ZNF804B: variants seen among roughly 807,000 people sequenced by gnomAD.
The protein encoded by ZNF804B is zinc finger protein 804B, also known as zinc finger 804B.
A neutral mutation model predicts 101.4 loss-of-function variants in ZNF804B; 80 were observed. The ratio of observed to expected loss-of-function variants is 0.79; its 90% CI spans 0.66 to 0.95. The LOEUF is 0.95. Among genes scored for constraint, ZNF804B ranks in the 40% least tolerant of loss-of-function variants. ZNF804B has a pLI of 0.00. For missense variants in ZNF804B, 1,673 were observed against 1,561.9 expected (o/e 1.07, Z -1.20); for synonymous variants, 622 against 558.8 (o/e 1.11, Z -1.59).
At chr7:88,882,149 C>T (rs991854377) in intron 1 of ZNF804B, among the ~76,000 whole-genome samples, 8 of 152,084 alleles carry the variant, frequency 5.3e-5, no homozygotes, top group African/African-American at 1.9e-4. Context: ...AGATTGTATG[C>T]AGAAGGGCTT....
At chr7:89,218,418 T>C in intron 2 of ZNF804B, 123 bp downstream of exon 2, 1 of 1,191,386 alleles carries the variant, frequency 8.4e-7, no homozygotes, top group Non-Finnish European at 1.2e-6. Context: ...TATGTCTTTT[T>C]TCCCCCCTGG....
At chr7:88,780,760 G>T (rs906435951) in intron 1 of ZNF804B, among the ~76,000 whole-genome samples, 1 of 152,110 alleles carries the variant, frequency 6.6e-6, no homozygotes, top group Non-Finnish European at 1.5e-5. Context: ...GACATCAAAA[G>T]TGTGTAAATT....
chr7:89,193,586 G>C (rs1788495765), intron 1 of ZNF804B, among the ~76,000 whole-genome samples: 1 of 151,178 alleles, frequency 6.6e-6, no homozygotes, highest in South Asian at 2.1e-4. Flanking sequence ...CCTTGTGATA[G>C]TTTGCTGAGA....
At chr7:88,801,004 T>G (rs1240464866) in intron 1 of ZNF804B, among the ~76,000 whole-genome samples, 2 of 140,146 alleles carry the variant, frequency 1.4e-5, no homozygotes, top group Non-Finnish European at 3.0e-5. Context: ...CTCACAGTGA[T>G]TCAAACCCTG....
At chr7:88,871,825 G>T (rs376194206) in intron 1 of ZNF804B, among the ~76,000 whole-genome samples, 1 of 151,994 alleles carries the variant, frequency 6.6e-6, no homozygotes, top group Non-Finnish European at 1.5e-5. Flanking sequence ...AAAGTTAGCC[G>T]GGCGTGGTGG....
intron 1 of ZNF804B, among the ~76,000 whole-genome samples, chr7:89,047,905 TC>T (rs1174153655): frequency 6.8e-6 from 1 of 147,524 alleles, no homozygotes; most frequent in East Asian, 2.1e-4. Context: ...TTTTTTTTTT[TC>T]CCCCTTTGGA....
At chr7:88,819,636 T>C (rs1051036314) in intron 1 of ZNF804B, among the ~76,000 whole-genome samples, 2 of 152,116 alleles carry the variant, frequency 1.3e-5, no homozygotes, top group African/African-American at 4.8e-5. Flanking sequence ...GTATACACTT[T>C]TATCATAAGT....
At chr7:88,819,389 C>T (rs1463693410) in intron 1 of ZNF804B, among the ~76,000 whole-genome samples, 6 of 152,278 alleles carry the variant, frequency 3.9e-5, no homozygotes, top group Non-Finnish European at 8.8e-5. Flanking sequence ...CCTCAGCCTC[C>T]CAAAGTGCTG....
intron 1 of ZNF804B, among the ~76,000 whole-genome samples, chr7:89,125,373 A>G (rs1157074627): frequency 6.6e-6 from 1 of 151,806 alleles, no homozygotes; most frequent in Non-Finnish European, 1.5e-5. Context: ...ATATATGTAA[A>G]ATGATCAAAA....
intron 1 of ZNF804B, among the ~76,000 whole-genome samples, chr7:88,825,295 C>G (rs186332504): frequency 2.0e-5 from 3 of 152,176 alleles, no homozygotes; most frequent in African/African-American, 2.4e-5. Flanking sequence ...GCTATGGACT[C>G]TCTCTCAATA....
intron 2 of ZNF804B, among the ~76,000 whole-genome samples, chr7:89,292,154 CT>C (rs34550517): frequency 0.23 from 35,268 of 151,916 alleles, 4,423 homozygotes; most frequent in Admixed American, 0.28. Context: ...AATAAAGGAA[CT>C]TTTTCAAACT....
At chr7:88,998,526 T>G (rs1458926273) in intron 1 of ZNF804B, among the ~76,000 whole-genome samples, 1 of 152,018 alleles carries the variant, frequency 6.6e-6, no homozygotes, top group Admixed American at 6.6e-5. Context: ...TATCTCCAAA[T>G]TTACCTGATC....
chr7:88,962,254 C>T (rs1793396272), intron 1 of ZNF804B, among the ~76,000 whole-genome samples: 1 of 151,234 alleles, frequency 6.6e-6, no homozygotes, highest in Non-Finnish European at 1.5e-5. Context: ...ATTATGGTTT[C>T]TCTTCACACA....
At chr7:89,254,694 G>A (rs1432575737) in intron 2 of ZNF804B, among the ~76,000 whole-genome samples, 1 of 150,760 alleles carries the variant, frequency 6.6e-6, no homozygotes, top group African/African-American at 2.4e-5. Context: ...GGCCCAGGCT[G>A]GAGTGTGGTG....
intron 1 of ZNF804B, among the ~76,000 whole-genome samples, chr7:88,906,660 G>C (rs984714309): frequency 5.9e-5 from 9 of 152,038 alleles, no homozygotes; most frequent in Non-Finnish European, 1.2e-4. Context: ...CAAGCATGTG[G>C]TCAATCTTAG....
Position 89,336,143 on chromosome 7 carries a change from C to A in ZNF804B, c.3161C>A (p.Pro1054His). ...GCAACAACAAAAGAACAATCAAAAC[C>A]TTTAATTAGTGAAATCCAACCTTTT... is the stretch of plus-strand genomic sequence containing the variant. ...RDATTKEQSK[P>H]LISEIQPFIQ... Residue 1054 changes from proline (P) to histidine (H), a missense_variant, in exon 4 of 4, where the codon CCT (proline) becomes CAT (histidine). Pro to His is a moderately conservative substitution (Grantham distance 77, BLOSUM62 -2). Coordinates refer to ENST00000333190, the MANE Select transcript of ZNF804B (RefSeq NM_181646.5). 6.2e-7 allele frequency: 1 copy of A among 1,613,884 alleles called. No individual in the cohort carries two copies. Among genetic ancestry groups the A allele is most frequent in the Non-Finnish European group, 8.5e-7 (1 of 1,179,968 alleles).
At chr7:88,877,872 A>T (rs1457589133) in intron 1 of ZNF804B, among the ~76,000 whole-genome samples, 1 of 152,134 alleles carries the variant, frequency 6.6e-6, no homozygotes, top group Admixed American at 6.6e-5. Flanking sequence ...TTGTGTGATA[A>T]TATGTTACTC....
At chr7:89,319,154 G>C (rs1444568951) in intron 2 of ZNF804B, among the ~76,000 whole-genome samples, 1 of 152,100 alleles carries the variant, frequency 6.6e-6, no homozygotes, top group Non-Finnish European at 1.5e-5. Context: ...TTGGGCATTA[G>C]GGCCATTATG....
chr7:89,258,348 C>T (rs75910317), intron 2 of ZNF804B, among the ~76,000 whole-genome samples: 5,287 of 152,140 alleles, frequency 0.035, 291 homozygotes, highest in African/African-American at 0.12. Context: ...CCCTTAATTG[C>T]TCAGAATCCT....
Sources: allele counts gnomAD v4.1 joint callset (sites outside exome capture counted in the v4.1 genomes callset), GRCh38; gene constraint gnomAD v4.1.1; transcripts MANE v1.5; gene names NCBI Gene and HGNC (gene_info 2026-07-23, HGNC 2026-07-21).